PKHD1: variants seen among roughly 807,000 people sequenced by gnomAD.
PKHD1 encodes the protein PKHD1 ciliary IPT domain containing fibrocystin/polyductin.
A neutral mutation model predicts 412.0 loss-of-function variants in PKHD1; 291 were observed. The observed-to-expected ratio is 0.71, with a 90% CI of 0.64 to 0.78. The LOEUF (loss-of-function observed/expected upper bound fraction) is 0.78. Ranked by LOEUF, PKHD1 falls within the 30% of genes least tolerant of loss-of-function variation. PKHD1 has a pLI of 0.00. For missense variants in PKHD1, 4,825 were observed against 4,950.7 expected (o/e 0.97, Z 0.76); for synonymous variants, 1,777 against 1,821.5 (o/e 0.98, Z 0.62).
intron 20 of PKHD1, 121 bp from the exon 21 acceptor site, chr6:52,053,372 G>C: frequency 1.0e-6 from 1 of 973,850 alleles, no homozygotes; most frequent in East Asian, 2.6e-5. Flanking sequence ...GAGACCCCAT[G>C]AACCCCTGCA....
intron 64 of PKHD1, among the ~76,000 whole-genome samples, chr6:51,635,876 C>CGGGGGGGGGTGGGGGG (rs1581768607): frequency 4.8e-5 from 2 of 41,506 alleles, no homozygotes; most frequent in African/African-American, 8.5e-5. Flanking sequence ...GGCGGGGGGC[C>CGGGGGGGGGTGGGGGG]GGGGGCGGAT....
At chr6:51,825,972 A>G (rs1049388764) in intron 52 of PKHD1, among the ~76,000 whole-genome samples, 4 of 152,176 alleles carry the variant, frequency 2.6e-5, no homozygotes, top group African/African-American at 9.7e-5. Flanking sequence ...TTGGTTTCTA[A>G]TTGGTGTTGT....
chr6:51,775,212 G>C (rs1005137174), intron 54 of PKHD1, among the ~76,000 whole-genome samples: 11 of 151,714 alleles, frequency 7.3e-5, no homozygotes, highest in Admixed American at 5.9e-4. Context: ...TTCATGCCAA[G>C]AGTTATCCCT....
rs1423134388 is a variant in PKHD1, at chr6:51,744,526, C to T, written c.10015G>A (p.Val3339Ile). 3 of 1,613,068 alleles carry T rather than the reference C, an allele frequency of 1.9e-6. No individual in the cohort carries two copies. Among genetic ancestry groups the T allele is most frequent in the Non-Finnish European group, 2.5e-6 (3 of 1,179,204 alleles). The stretch of plus-strand genomic sequence containing the variant: ...GCACAGTCTAATTCAGGACAGACTA[C>T]TTTTCCTAAATCTTTCCTGTGAAGA... ...SLQPRKDLGKVVCPELDCASP... is the reference protein window; with the variant it reads ...SLQPRKDLGKIVCPELDCASP... Residue 3339 changes from valine to isoleucine, a missense_variant, in exon 60 of 67, where the codon GTA becomes ATA. Val to Ile is a conservative substitution (Grantham distance 29). Coordinates refer to ENST00000371117, the MANE Select transcript of PKHD1 (RefSeq NM_138694.4).
intron 53 of PKHD1, among the ~76,000 whole-genome samples, chr6:51,786,753 G>T (rs1356655739): frequency 6.6e-6 from 1 of 152,120 alleles, no homozygotes; most frequent in Non-Finnish European, 1.5e-5. Flanking sequence ...CCTCTTGAAA[G>T]TTCAGGTTCA....
At chr6:51,955,216 G>A (rs990585191) in intron 36 of PKHD1, among the ~76,000 whole-genome samples, 1 of 151,806 alleles carries the variant, frequency 6.6e-6, no homozygotes, top group Admixed American at 6.6e-5. Flanking sequence ...TTAAAAAAGG[G>A]AGGGAGGGCA....
At chr6:51,837,483 G>T (rs1269804625) in intron 50 of PKHD1, among the ~76,000 whole-genome samples, 3 of 152,142 alleles carry the variant, frequency 2.0e-5, no homozygotes, top group Admixed American at 1.3e-4. Flanking sequence ...GAGGTGGGTG[G>T]ATCACTTGAG....
At chr6:51,986,355 T>C (rs1206925526) in intron 35 of PKHD1, among the ~76,000 whole-genome samples, 2 of 152,206 alleles carry the variant, frequency 1.3e-5, no homozygotes, top group Non-Finnish European at 2.9e-5. Flanking sequence ...CTCAGAATCG[T>C]ATATATCTAT....
At chr6:51,702,169 T>TATAATATATAATATATTATATATTATAC (rs1562129460) in intron 60 of PKHD1, among the ~76,000 whole-genome samples, 2 of 142,616 alleles carry the variant, frequency 1.4e-5, no homozygotes, top group Admixed American at 7.0e-5. Context: ...ATATATTATA[T>TATAATATATAATATATTATATATTATAC]GTATAATATA....
chr6:51,864,310 C>A (rs9382041), intron 48 of PKHD1, among the ~76,000 whole-genome samples: 1 of 151,832 alleles, frequency 6.6e-6, no homozygotes, highest in Non-Finnish European at 1.5e-5. Flanking sequence ...AAAAGTTTCA[C>A]GCAAGGGAAT....
At chr6:51,844,313 G>T (rs1770769474) in intron 50 of PKHD1, among the ~76,000 whole-genome samples, 1 of 152,154 alleles carries the variant, frequency 6.6e-6, no homozygotes, top group Admixed American at 6.5e-5. Context: ...CCCAAGCACT[G>T]GCCATGAGCT....
chr6:51,616,576 G>T lies in PKHD1; in HGVS notation c.*2505C>A, dbSNP rs1026040866. ...GAGGAGTAGCTTAACTATGGGTTGA[G>T]GAATTTTAGCTAGATGCCAAAATTC... On this transcript the variant is annotated 3_prime_UTR_variant, in exon 67 of 67. Transcript: ENST00000371117. 3.0e-5 allele frequency: 12 copies of T among 395,388 alleles called. No homozygotes were observed. The highest frequency in any genetic ancestry group is 5.3e-5 in the Non-Finnish European group (12 of 224,762). 24.5% of individuals were successfully genotyped at this position (395,388 alleles called of 1,614,324 possible). A position where few individuals can be genotyped will look rare whatever the true frequency, so the allele number is the denominator to read the frequency against.
chr6:51,713,636 C>T (rs1181209135), intron 60 of PKHD1, among the ~76,000 whole-genome samples: 11 of 152,052 alleles, frequency 7.2e-5, no homozygotes, highest in Admixed American at 4.6e-4. Flanking sequence ...GGAGTCAGGC[C>T]CTTCTGCAGG....
intron 36 of PKHD1, 68 bp downstream of exon 36, chr6:51,959,802 T>G: frequency 7.2e-7 from 1 of 1,395,484 alleles, no homozygotes; most frequent in Non-Finnish European, 1.0e-6. Flanking sequence ...AAAGTTTCCC[T>G]CCTCCATCCC....
At position 52,038,908 on chromosome 6, in the gene PKHD1, G is replaced by T. The variant is rs568421439; in HGVS notation, c.3098-3187C>A. 2.5e-3 allele frequency among the ~76,000 whole-genome samples: 374 copies of T among 152,274 alleles called. 3 individuals carry two copies. Among genetic ancestry groups the T allele is most frequent in the Non-Finnish European group, 4.2e-3 (283 of 68,016 alleles). Reference sequence around the variant, plus strand: ...TGGACTTCAACAAAATTAAAAATTTGTGTGCTTCAAATAACACTATTTTTA... The same window carrying T: ...TGGACTTCAACAAAATTAAAAATTTTTGTGCTTCAAATAACACTATTTTTA... On this transcript the variant is annotated intron_variant, in intron 27 of 66. Coordinates refer to ENST00000371117, the MANE Select transcript of PKHD1 (RefSeq NM_138694.4).
Position 52,009,003 on chromosome 6 carries a change from T to G in PKHD1, c.5751+1306A>C, listed in dbSNP as rs73433729. ...CCAGAGAGGCTTAAAGATCACCCAG[T>G]GTCACACAGCAGTCTCAGCGCACTA... On this transcript the variant is annotated intron_variant, in intron 35 of 66. Coordinates refer to ENST00000371117, the MANE Select transcript of PKHD1 (RefSeq NM_138694.4). 7.8e-3 allele frequency among the ~76,000 whole-genome samples: 1,192 copies of G among 152,262 alleles called. 18 individuals carry two copies. The highest frequency in any genetic ancestry group is 0.027 in the African/African-American group (1,142 of 41,550).
chr6:51,622,412 G>A (rs1045057917), intron 66 of PKHD1: 4 of 152,106 alleles, frequency 2.6e-5, no homozygotes, highest in Non-Finnish European at 5.9e-5. Context: ...CAGAAAGCCT[G>A]GACTTTTGAG....
Position 52,024,863 on chromosome 6 carries a change from G to C in PKHD1, c.4947C>G (p.Val1649=). 1 of 1,614,184 alleles carries C rather than the reference G, an allele frequency of 6.2e-7. No individual in the cohort carries two copies. The highest frequency in any genetic ancestry group is 1.3e-5 in the African/African-American group (1 of 75,052). The change falls in exon 32 of 67, where the codon GTC becomes GTG. Residue 1649 remains valine, a synonymous_variant. Transcript: ENST00000371117. ...GGGTAAAGGCCTTGTTATAACCAAT[G>C]ACTCCTATGTGATACCAAAGTCCAT... ...EVDGLWYHIG[V]IGYNKAFTPE...
intron 60 of PKHD1, among the ~76,000 whole-genome samples, chr6:51,704,829 C>T (rs1465063585): frequency 6.6e-6 from 1 of 151,832 alleles, no homozygotes; most frequent in Admixed American, 6.6e-5. Flanking sequence ...TCATCACAGA[C>T]CTGATAGTTG....
Sources: gnomAD v4.1 joint callset for allele counts (sites outside exome capture counted in the v4.1 genomes callset) on GRCh38, gnomAD v4.1.1 for gene constraint, MANE v1.5 for transcripts, NCBI Gene and HGNC (gene_info 2026-07-23, HGNC 2026-07-21) for gene names.